EVI5: variants seen among roughly 807,000 people sequenced by gnomAD.
The protein encoded by EVI5 is ecotropic viral integration site 5.
EVI5 carries 73 observed loss-of-function variants against 112.0 expected under a neutral mutation model. The ratio of observed to expected loss-of-function variants is 0.65; its 90% CI spans 0.54 to 0.79. EVI5 has a LOEUF of 0.79. Ranked by LOEUF, EVI5 falls within the 30% of genes least tolerant of loss-of-function variation. The pLI, the probability that EVI5 is intolerant of heterozygous loss-of-function variation, is 0.00. For synonymous variants in EVI5, 305 were observed against 319.9 expected, an observed-to-expected ratio of 0.95 and a Z score of 0.50; for missense variants, 900 against 968.8, an observed-to-expected ratio of 0.93 and a Z score of 0.94.
chr1:92,783,589 G>A (rs1483101725), intron 1 of EVI5, among the ~76,000 whole-genome samples: 1 of 151,562 alleles, frequency 6.6e-6, no homozygotes, highest in African/African-American at 2.4e-5. Context: ...TGAGGCGGGT[G>A]GAACACGAGG....
chr1:92,702,895 T>C (rs753308932), intron 4 of EVI5, among the ~76,000 whole-genome samples: 18 of 151,734 alleles, frequency 1.2e-4, no homozygotes, highest in Non-Finnish European at 2.6e-4. Context: ...GAAATTGAAA[T>C]GATTTAACAA....
In EVI5 at chr1:92,736,548, T is replaced by C. The variant is rs1291263051; in HGVS notation, c.-2A>G. The C allele has an allele frequency of 5.6e-6, 9 of 1,613,938 alleles. No homozygotes were observed. The highest frequency in any genetic ancestry group is 1.6e-4 in the Middle Eastern group (1 of 6,084). ...TGGACTTGCCACCTGACTGGCCATC[T>C]GACTGACTGTATGCGATACTGTGTT... is the stretch of plus-strand genomic sequence containing the variant. On this transcript the variant is annotated 5_prime_UTR_variant, in exon 2 of 20. Coordinates refer to ENST00000684568, the MANE Select transcript of EVI5 (RefSeq NM_001350197.2).
chr1:92,740,650 A>G (rs745966361), intron 1 of EVI5, among the ~76,000 whole-genome samples: 3 of 152,130 alleles, frequency 2.0e-5, no homozygotes, highest in South Asian at 2.1e-4. Context: ...ATATGTGTGT[A>G]TGTGTGTGTC....
chr1:92,581,352 T>C (rs1671903913), intron 18 of EVI5, among the ~76,000 whole-genome samples: 1 of 152,276 alleles, frequency 6.6e-6, no homozygotes, highest in Non-Finnish European at 1.5e-5. Context: ...TCATTTCCCA[T>C]ATTCAGTGTG....
intron 13 of EVI5, among the ~76,000 whole-genome samples, chr1:92,641,117 C>A (rs1659877629): frequency 6.6e-6 from 1 of 151,948 alleles, no homozygotes; most frequent in Non-Finnish European, 1.5e-5. Context: ...ATATGTGCAG[C>A]AAGCCACCAT....
chr1:92,696,004 C>G (rs1329028786), intron 6 of EVI5, among the ~76,000 whole-genome samples: 2 of 151,288 alleles, frequency 1.3e-5, no homozygotes, highest in African/African-American at 4.9e-5. Context: ...GATCTTGGCT[C>G]ACTGCAACCT....
At chr1:92,757,792 CT>C (rs1348188961) in intron 1 of EVI5, among the ~76,000 whole-genome samples, 1 of 151,228 alleles carries the variant, frequency 6.6e-6, no homozygotes, top group Non-Finnish European at 1.5e-5. Context: ...ATCCTAGCTA[CT>C]CAGCAGGCTG....
In EVI5 at chr1:92,555,209, T is replaced by C. The variant is rs553926493; in HGVS notation, c.2166+8433A>G. Among the ~76,000 whole-genome samples the C allele has an allele frequency of 7.9e-5, 12 of 152,222 alleles. 1 individual carries two copies. In the South Asian group the frequency reaches 2.5e-3, roughly 32 times the overall value. On this transcript the variant is annotated intron_variant, in intron 19 of 19. Transcript: ENST00000684568. ...GCATGGTACTTTACACTGCTCTAAT[T>C]AGAGAAAGAACAAATTTAAGGGAAT...
chr1:92,515,981 T>C (rs1659796609), intron 19 of EVI5, among the ~76,000 whole-genome samples: 1 of 152,180 alleles, frequency 6.6e-6, no homozygotes, highest in Non-Finnish European at 1.5e-5. Context: ...AATACCATTC[T>C]CCTTGGCAGA....
chr1:92,526,845 G>C (rs969224321), intron 19 of EVI5, among the ~76,000 whole-genome samples: 1 of 152,158 alleles, frequency 6.6e-6, no homozygotes, highest in Non-Finnish European at 1.5e-5. Context: ...GTAAACTATG[G>C]ACTTCAGTTA....
chr1:92,560,425 G>A (rs1277407848), intron 19 of EVI5, among the ~76,000 whole-genome samples: 2 of 152,290 alleles, frequency 1.3e-5, no homozygotes, highest in East Asian at 1.9e-4. Flanking sequence ...TATGAACAGG[G>A]CTCTTGGGTC....
At chr1:92,665,844 G>A (rs1368587422) in intron 11 of EVI5, 95 bp downstream of exon 11, 2 of 802,854 alleles carry the variant, frequency 2.5e-6, no homozygotes, top group East Asian at 2.5e-5. Flanking sequence ...TACAACATAG[G>A]AGACATGTGC....
intron 18 of EVI5, among the ~76,000 whole-genome samples, chr1:92,595,259 T>C (rs1422086491): frequency 6.6e-6 from 1 of 151,800 alleles, no homozygotes; most frequent in African/African-American, 2.4e-5. Context: ...GTTCATGTCC[T>C]TTGTAGGGAC....
At chr1:92,710,621 T>C (rs1672699851) in intron 2 of EVI5, among the ~76,000 whole-genome samples, 1 of 152,170 alleles carries the variant, frequency 6.6e-6, no homozygotes, top group African/African-American at 2.4e-5. Flanking sequence ...CATAAGACAT[T>C]GTTTTTCTAT....
At chr1:92,766,274 G>A (rs1396578688) in intron 1 of EVI5, among the ~76,000 whole-genome samples, 4 of 151,378 alleles carry the variant, frequency 2.6e-5, no homozygotes, top group African/African-American at 7.3e-5. Context: ...ACCTTCCAAC[G>A]CCACAAACAC....
chr1:92,598,084 C>T (rs1648321751), intron 18 of EVI5, among the ~76,000 whole-genome samples: 1 of 152,182 alleles, frequency 6.6e-6, no homozygotes, highest in South Asian at 2.1e-4. Context: ...TTCTGTCACC[C>T]AGGCTGGGGT....
chr1:92,645,971 G>C (rs1660875577), intron 13 of EVI5, among the ~76,000 whole-genome samples: 1 of 152,092 alleles, frequency 6.6e-6, no homozygotes, highest in Non-Finnish European at 1.5e-5. Context: ...AGCCCTGAGT[G>C]AATCTCCTAA....
intron 5 of EVI5, among the ~76,000 whole-genome samples, chr1:92,700,555 A>G (rs1481061596): frequency 2.0e-5 from 3 of 152,172 alleles, no homozygotes; most frequent in Non-Finnish European, 4.4e-5. Flanking sequence ...AATGGTGGTA[A>G]TAATACTTAT....
intron 6 of EVI5, among the ~76,000 whole-genome samples, chr1:92,696,535 G>A (rs971317747): frequency 1.3e-5 from 2 of 152,026 alleles, no homozygotes; most frequent in Non-Finnish European, 2.9e-5. Flanking sequence ...TATCCAGGAG[G>A]CTGAGGGAGG....
Sources: allele counts gnomAD v4.1 joint callset (sites outside exome capture counted in the v4.1 genomes callset), GRCh38; gene constraint gnomAD v4.1.1; transcripts MANE v1.5; gene names NCBI Gene and HGNC (gene_info 2026-07-23, HGNC 2026-07-21).